PPP1R8: variants seen among roughly 807,000 people sequenced by gnomAD.
PPP1R8 encodes the protein protein phosphatase 1 regulatory subunit 8.
PPP1R8 carries 4 observed loss-of-function variants against 31.3 expected under a neutral mutation model. The ratio of observed to expected loss-of-function variants is 0.13; its 90% CI spans 0.06 to 0.29. The LOEUF (loss-of-function observed/expected upper bound fraction) is 0.29, where lower values mean the gene tolerates loss of function less well. Ranked by LOEUF, PPP1R8 falls within the 10% of genes least tolerant of loss-of-function variation. The pLI, the probability that PPP1R8 is intolerant of heterozygous loss-of-function variation, is 1.00. For missense variants in PPP1R8, 254 were observed against 440.1 expected, an observed-to-expected ratio of 0.58 and a Z score of 3.78; for synonymous variants, 170 against 169.7, an observed-to-expected ratio of 1.00 and a Z score of -0.01.
At chr1:27,833,434 AATT>A (rs1422662063) in intron 2 of PPP1R8, among the ~76,000 whole-genome samples, 7 of 152,190 alleles carry the variant, frequency 4.6e-5, no homozygotes, top group Non-Finnish European at 1.0e-4. Flanking sequence ...AAAATTACAT[AATT>A]ATATTTGAAT....
intron 2 of PPP1R8, among the ~76,000 whole-genome samples, chr1:27,836,815 T>G (rs912922195): frequency 6.7e-6 from 1 of 150,310 alleles, no homozygotes; most frequent in Non-Finnish European, 1.5e-5. Context: ...GCCATTCACC[T>G]GAGGTGAGGA....
intron 3 of PPP1R8, 118 bp from the exon 4 acceptor site, chr1:27,840,896 A>G (rs1390156456): frequency 9.7e-7 from 1 of 1,030,844 alleles, no homozygotes; most frequent in Non-Finnish European, 1.4e-6. Context: ...ACAAAAAAGC[A>G]AAACTGATGT....
rs767076071 is a variant in PPP1R8, at chr1:27,841,138, A to G, written c.396A>G (p.Thr132=). 6.2e-7 allele frequency: 1 copy of G among 1,614,230 alleles called. No homozygotes were observed. Among genetic ancestry groups the G allele is most frequent in the Non-Finnish European group, 8.5e-7 (1 of 1,180,042 alleles). The change falls in exon 4 of 7, where the codon ACA becomes ACG. Residue 132 remains threonine, a synonymous_variant. Coordinates refer to ENST00000311772, the MANE Select transcript of PPP1R8 (RefSeq NM_014110.5). ...RAYTLREKPQ[T]LPSAVKGDEK... is the part of the protein sequence containing the mutation. ...ACACTCTGCGCGAGAAGCCTCAGAC[A>G]TTGCCATCGGCTGTGAAAGGAGATG...
intron 4 of PPP1R8, among the ~76,000 whole-genome samples, chr1:27,841,677 T>C (rs1442503146): frequency 6.6e-6 from 1 of 152,244 alleles, no homozygotes; most frequent in Admixed American, 6.5e-5. Flanking sequence ...CAGAAAGTTC[T>C]GTCAGACAGC....
Sources: gnomAD v4.1 joint callset for allele counts (sites outside exome capture counted in the v4.1 genomes callset) on GRCh38, gnomAD v4.1.1 for gene constraint, MANE v1.5 for transcripts, NCBI Gene and HGNC (gene_info 2026-07-23, HGNC 2026-07-21) for gene names.